Variants in GRID2 observed in about 807,000 individuals in gnomAD.
GRID2 encodes the protein glutamate receptor ionotropic, delta-2.
GRID2 carries 33 observed loss-of-function variants against 114.8 expected under a neutral mutation model. That is an observed-to-expected ratio of 0.29 (90% CI 0.22 to 0.38). GRID2 has a LOEUF of 0.38. GRID2 is among the 10% of genes least tolerant of loss of function. The probability of loss-of-function intolerance (pLI) is 1.00; values close to 1 mark genes in which losing one functional copy is unlikely to be tolerated. For missense variants in GRID2, 1,184 were observed against 1,257.7 expected (o/e 0.94, Z 0.89); for synonymous variants, 505 against 449.9 (o/e 1.12, Z -1.55).
At chr4:92,306,110 T>C (rs1725390294) in intron 1 of GRID2, among the ~76,000 whole-genome samples, 1 of 152,232 alleles carries the variant, frequency 6.6e-6, no homozygotes. Flanking sequence ...GCGAGGGATT[T>C]CTGTCTAGCG....
rs772720982 is a variant in GRID2, at chr4:92,885,381, G to A, written c.245-199614G>A. On this transcript the variant is annotated intron_variant, in intron 2 of 15. Coordinates refer to ENST00000282020, the MANE Select transcript of GRID2 (RefSeq NM_001510.4). Reference sequence around the variant, plus strand: ...TTGAGAACTCCCATGTTATTGATACGTGGAGGGAATTGTAAAACTTGTTGT... The same window carrying A: ...TTGAGAACTCCCATGTTATTGATACATGGAGGGAATTGTAAAACTTGTTGT... 3.1e-4 allele frequency among the ~76,000 whole-genome samples: 47 copies of A among 152,298 alleles called. 1 individual carries two copies. The Middle Eastern group carries it at 0.014, about 44-fold the overall frequency.
intron 14 of GRID2, among the ~76,000 whole-genome samples, chr4:93,732,381 A>G (rs1277483002): frequency 1.3e-5 from 2 of 152,238 alleles, no homozygotes; most frequent in Non-Finnish European, 2.9e-5. Context: ...AAGAAAGCAT[A>G]GAATGCATGC....
intron 4 of GRID2, among the ~76,000 whole-genome samples, chr4:93,114,970 A>G (rs1376207371): frequency 6.6e-6 from 1 of 152,136 alleles, no homozygotes; most frequent in Non-Finnish European, 1.5e-5. Context: ...TGCTACAGAG[A>G]GCTTAGCCAG....
chr4:93,105,047 T>A lies in GRID2; in HGVS notation c.530-5701T>A, dbSNP rs538319212. ...TCATTGTGGTTTTGATTTGCATTTCTCTGATGGCCAGTGATGATGAGCATT... is the reference window on the plus strand; with the variant it reads ...TCATTGTGGTTTTGATTTGCATTTCACTGATGGCCAGTGATGATGAGCATT... On this transcript the variant is annotated intron_variant, in intron 3 of 15. Transcript: ENST00000282020. Among the ~76,000 whole-genome samples the A allele has an allele frequency of 3.9e-5, 6 of 152,208 alleles. No individual in the cohort carries two copies. In the South Asian group the frequency reaches 1.2e-3, roughly 32 times the overall value.
At chr4:93,694,361 A>G (rs1342730937) in intron 14 of GRID2, among the ~76,000 whole-genome samples, 1 of 152,168 alleles carries the variant, frequency 6.6e-6, no homozygotes, top group South Asian at 2.1e-4. Flanking sequence ...ATTTAGCCTT[A>G]CTGTTTCCAT....
At chr4:92,954,989 C>T (rs1169122155) in intron 2 of GRID2, among the ~76,000 whole-genome samples, 7 of 114,428 alleles carry the variant, frequency 6.1e-5, no homozygotes, top group African/African-American at 2.6e-4. Context: ...TGTATATGTG[C>T]CACATTTTCT....
intron 2 of GRID2, among the ~76,000 whole-genome samples, chr4:92,684,775 TA>T (rs1733820793): frequency 6.6e-6 from 1 of 152,060 alleles, no homozygotes; most frequent in Non-Finnish European, 1.5e-5. Context: ...GCCAAGGAAA[TA>T]AGGATAACAT....
chr4:92,504,513 T>C (rs932831699), intron 1 of GRID2, among the ~76,000 whole-genome samples: 2 of 152,050 alleles, frequency 1.3e-5, no homozygotes, highest in Non-Finnish European at 2.9e-5. Context: ...GGAGTTCCTG[T>C]ACCTAATAAA....
chr4:93,449,583 G>T (rs1029824406), intron 10 of GRID2, among the ~76,000 whole-genome samples: 1 of 152,034 alleles, frequency 6.6e-6, no homozygotes, highest in African/African-American at 2.4e-5. Context: ...TATGTATTTT[G>T]AGTTCAATAA....
At chr4:92,742,560 A>G (rs867340270) in intron 2 of GRID2, among the ~76,000 whole-genome samples, 1 of 152,260 alleles carries the variant, frequency 6.6e-6, no homozygotes. Flanking sequence ...AAGTTCAAGG[A>G]TGAGCATTTT....
intron 4 of GRID2, among the ~76,000 whole-genome samples, chr4:93,161,055 GT>G (rs1222768856): frequency 6.6e-6 from 1 of 151,802 alleles, no homozygotes; most frequent in Non-Finnish European, 1.5e-5. Flanking sequence ...GCTAATGGCT[GT>G]TTAGGACTGT....
At chr4:93,379,918 C>G (rs755600116) in intron 8 of GRID2, among the ~76,000 whole-genome samples, 1 of 151,986 alleles carries the variant, frequency 6.6e-6, no homozygotes, top group Non-Finnish European at 1.5e-5. Flanking sequence ...ATAAAACTAC[C>G]CATTTCCCCA....
At chr4:93,313,968 C>G (rs1046215267) in intron 8 of GRID2, among the ~76,000 whole-genome samples, 1 of 152,080 alleles carries the variant, frequency 6.6e-6, no homozygotes, top group African/African-American at 2.4e-5. Flanking sequence ...ATGAGTCCCA[C>G]TAGGCTATCA....
chr4:92,304,719 G>A lies in GRID2; in HGVS notation c.63G>A (p.Ala21=), dbSNP rs747855702. ...GGTGGTCTCGAACCTGGGACTCGGC[G>A]AATGCGGATTCGATCATTCACATCG... ...SVWWSRTWDS[A]NADSIIHIGA... is the part of the protein sequence containing the mutation. The change falls in exon 1 of 16, where the codon GCG becomes GCA. Residue 21 remains alanine, a synonymous_variant. Coordinates refer to ENST00000282020, the MANE Select transcript of GRID2 (RefSeq NM_001510.4). The A allele has an allele frequency of 3.1e-6, 5 of 1,613,044 alleles. No homozygotes were observed. The South Asian group carries it at 3.3e-5, about 11-fold the overall frequency.
In GRID2 at chr4:92,490,502, T is replaced by A. The variant is rs536420341; in HGVS notation, c.89-99629T>A. Among the ~76,000 whole-genome samples, 17 of 152,310 alleles carry A rather than the reference T, an allele frequency of 1.1e-4. No individual in the cohort carries two copies. In the South Asian group the frequency reaches 3.5e-3, roughly 32 times the overall value. ...TGCTTTATTGAAGTGAATAGCATAT[T>A]GCAGCCATTATGTTCCCAAGATGAT... is the stretch of plus-strand genomic sequence containing the variant. On this transcript the variant is annotated intron_variant, in intron 1 of 15. Transcript: ENST00000282020.
chr4:92,791,692 T>A (rs1472187650), intron 2 of GRID2, among the ~76,000 whole-genome samples: 3 of 151,858 alleles, frequency 2.0e-5, no homozygotes, highest in Non-Finnish European at 4.4e-5. Flanking sequence ...ATAATGAAAT[T>A]GCTAAACCAT....
intron 2 of GRID2, among the ~76,000 whole-genome samples, chr4:92,929,965 T>C (rs1053906735): frequency 6.6e-6 from 1 of 151,398 alleles, no homozygotes; most frequent in African/African-American, 2.4e-5. Context: ...AAACACTTTT[T>C]GAGTTCTGGC....
chr4:93,753,292 A>C (rs1732479662), intron 14 of GRID2, among the ~76,000 whole-genome samples: 2 of 152,192 alleles, frequency 1.3e-5, no homozygotes, highest in South Asian at 4.1e-4. Flanking sequence ...CCATACTCTG[A>C]GATGTTCTCC....
chr4:93,125,290 C>A (rs1734163043), intron 4 of GRID2, among the ~76,000 whole-genome samples: 1 of 151,702 alleles, frequency 6.6e-6, no homozygotes, highest in Non-Finnish European at 1.5e-5. Flanking sequence ...TGCATATTGG[C>A]ATGAAAGAGT....
Sources: allele counts gnomAD v4.1 joint callset (sites outside exome capture counted in the v4.1 genomes callset), GRCh38; gene constraint gnomAD v4.1.1; transcripts MANE v1.5; gene names NCBI Gene and HGNC (gene_info 2026-07-23, HGNC 2026-07-21).